UGGT2: variants seen among roughly 807,000 people sequenced by gnomAD.
UGGT2 encodes the protein UDP-glucose:glycoprotein glucosyltransferase 2.
UGGT2 carries 180 observed loss-of-function variants against 192.1 expected under a neutral mutation model. That is an observed-to-expected ratio of 0.94 (90% confidence interval 0.83 to 1.06). The LOEUF (loss-of-function observed/expected upper bound fraction) is 1.06. Among genes scored for constraint, UGGT2 ranks in the 50% least tolerant of loss-of-function variants. UGGT2 has a pLI of 0.00. For synonymous variants in UGGT2, 580 were observed against 591.0 expected, an observed-to-expected ratio of 0.98 and a Z score of 0.27; for missense variants, 1,849 against 1,795.7, an observed-to-expected ratio of 1.03 and a Z score of -0.54.
intron 36 of UGGT2, among the ~76,000 whole-genome samples, chr13:95,848,602 G>C (rs1194672938): frequency 1.3e-5 from 2 of 152,072 alleles, no homozygotes; most frequent in African/African-American, 4.8e-5. Flanking sequence ...TATTTATGTG[G>C]ATTTATTTCT....
At chr13:95,856,368 A>G (rs571805945) in intron 33 of UGGT2, 28 bp from the exon 34 acceptor site, 14 of 1,587,604 alleles carry the variant, frequency 8.8e-6, no homozygotes, top group African/African-American at 4.1e-5. Flanking sequence ...AAATCAAACA[A>G]TATGTTCAAG....
chr13:95,940,393 C>T (rs2140532345), intron 15 of UGGT2, among the ~76,000 whole-genome samples: 1 of 149,854 alleles, frequency 6.7e-6, no homozygotes, highest in South Asian at 2.1e-4. Context: ...ATAATATATT[C>T]TAATATGACA....
chr13:95,876,068 T>TA (rs5805947), intron 29 of UGGT2, among the ~76,000 whole-genome samples: 55,297 of 151,888 alleles, frequency 0.36, 10,495 homozygotes, highest in Non-Finnish European at 0.42. Context: ...AAATAATTGT[T>TA]AAAAAAATAA....
intron 31 of UGGT2, among the ~76,000 whole-genome samples, chr13:95,862,579 G>A (rs1890259172): frequency 6.6e-6 from 1 of 152,114 alleles, no homozygotes; most frequent in South Asian, 2.1e-4. Context: ...TATGACTCAT[G>A]CTGGGTTATC....
intron 12 of UGGT2, among the ~76,000 whole-genome samples, chr13:95,969,051 T>C (rs1338378897): frequency 6.6e-6 from 1 of 152,150 alleles, no homozygotes; most frequent in Non-Finnish European, 1.5e-5. Context: ...TCTAAAGAGT[T>C]TATACAATCT....
At chr13:95,890,511 C>A (rs975244679) in intron 25 of UGGT2, among the ~76,000 whole-genome samples, 1 of 152,152 alleles carries the variant, frequency 6.6e-6, no homozygotes, top group Non-Finnish European at 1.5e-5. Context: ...CCTATTGGAT[C>A]AGGGTCTCAC....
At chr13:95,861,097 A>G (rs1008058359) in intron 31 of UGGT2, among the ~76,000 whole-genome samples, 2 of 152,072 alleles carry the variant, frequency 1.3e-5, no homozygotes, top group African/African-American at 4.8e-5. Flanking sequence ...GAATATAACT[A>G]TATTGTCTTT....
intron 22 of UGGT2, among the ~76,000 whole-genome samples, chr13:95,898,917 T>C (rs1347178168): frequency 6.6e-6 from 1 of 152,166 alleles, no homozygotes; most frequent in African/African-American, 2.4e-5. Context: ...GGTATTTTGT[T>C]ACAGCAGCAC....
intron 2 of UGGT2, among the ~76,000 whole-genome samples, chr13:96,029,631 T>C (rs1014058703): frequency 1.6e-4 from 24 of 152,308 alleles, no homozygotes; most frequent in African/African-American, 2.6e-4. Flanking sequence ...CTGAAAACAC[T>C]TGAAATACCT....
intron 6 of UGGT2, among the ~76,000 whole-genome samples, chr13:95,997,413 T>C (rs1190084351): frequency 6.6e-6 from 1 of 152,078 alleles, no homozygotes; most frequent in Non-Finnish European, 1.5e-5. Flanking sequence ...TTTGGGAGGC[T>C]GAGGTGGGTG....
rs142970103 is a variant in UGGT2 at position 96,045,255 on chromosome 13, C to T, written c.158+7900G>A. 2.0e-4 allele frequency among the ~76,000 whole-genome samples: 31 copies of T among 152,066 alleles called. No homozygotes were observed. In the East Asian group the frequency reaches 3.3e-3, roughly 16 times the overall value. On this transcript the variant is annotated intron_variant, in intron 1 of 38. Transcript: ENST00000376747. Reference sequence around the variant, plus strand: ...AATATTACATGATCATCTCAATAGACGCAGAAAAAGCATTTGACAAAATCA... The same window carrying T: ...AATATTACATGATCATCTCAATAGATGCAGAAAAAGCATTTGACAAAATCA...
At chr13:95,974,601 T>G (rs1399947266) in intron 10 of UGGT2, among the ~76,000 whole-genome samples, 2 of 152,162 alleles carry the variant, frequency 1.3e-5, no homozygotes, top group African/African-American at 4.8e-5. Context: ...AGATAAGTAA[T>G]TACAAATTCT....
intron 5 of UGGT2, among the ~76,000 whole-genome samples, chr13:96,002,905 G>A (rs1322462846): frequency 6.6e-6 from 1 of 152,212 alleles, no homozygotes; most frequent in Non-Finnish European, 1.5e-5. Context: ...GTAAAGCCAA[G>A]CTCTGTTCCC....
At chr13:95,828,489 A>G (rs1456424703) in intron 38 of UGGT2, among the ~76,000 whole-genome samples, 1 of 152,228 alleles carries the variant, frequency 6.6e-6, no homozygotes, top group Non-Finnish European at 1.5e-5. Context: ...AGGGGATATC[A>G]CCACTGATCC....
chr13:95,807,574 T>C (rs1212081734), intron 38 of UGGT2, among the ~76,000 whole-genome samples: 2 of 152,190 alleles, frequency 1.3e-5, no homozygotes, highest in African/African-American at 4.8e-5. Context: ...GCACTGCTTC[T>C]ATGTCTTCTT....
chr13:96,053,234 C>A lies in UGGT2; in HGVS notation c.79G>T (p.Gly27Trp). Residue 27 changes from glycine (G) to tryptophan (W), a missense_variant, in exon 1 of 39, where the codon GGG becomes TGG. Physicochemically the swap from Gly to Trp is radical, Grantham distance 184 (BLOSUM62 -2). Coordinates refer to ENST00000376747, the MANE Select transcript of UGGT2 (RefSeq NM_020121.4). ...ACCGACTTGGACGCGGCGACCGTCC[C>A]GGAGCCGAGCTGCGAAAGCCACAGC... ...TALWLSQLGS[G>W]TVAASKSVTA... is the part of the protein sequence containing the mutation. 6.5e-7 allele frequency: 1 copy of A among 1,547,738 alleles called. No individual in the cohort carries two copies. The highest frequency in any genetic ancestry group is 2.4e-5 in the East Asian group (1 of 41,136).
At chr13:96,030,748 G>C (rs1031362591) in intron 2 of UGGT2, among the ~76,000 whole-genome samples, 1 of 152,088 alleles carries the variant, frequency 6.6e-6, no homozygotes, top group African/African-American at 2.4e-5. Context: ...ATCTATTCTA[G>C]TCTCTGCAGA....
Position 95,925,713 on chromosome 13 carries a change from C to A in UGGT2, c.2262G>T (p.Gly754=). The A allele has an allele frequency of 2.5e-6, 4 of 1,579,084 alleles. No homozygotes were observed. The highest frequency in any genetic ancestry group is 3.4e-6 in the Non-Finnish European group (4 of 1,159,552). The stretch of plus-strand genomic sequence containing the variant: ...TTAATGCATTAAAAAGAAGTTTTCT[C>A]CCAGAAGGCTTATCAAAATCTGCAA... The part of the protein sequence containing the change: ...WIIADFDKPS[G]RKLLFNALKH... Residue 754 remains glycine (G), a synonymous_variant, in exon 20 of 39, where the codon GGG becomes GGT. Transcript: ENST00000376747.
At chr13:95,892,571 C>G (rs1375476010) in intron 24 of UGGT2, among the ~76,000 whole-genome samples, 1 of 152,094 alleles carries the variant, frequency 6.6e-6, no homozygotes, top group Admixed American at 6.5e-5. Context: ...ATATATTGAA[C>G]ACATTTCAAA....
Sources: gnomAD v4.1 joint callset for allele counts (sites outside exome capture counted in the v4.1 genomes callset) on GRCh38, gnomAD v4.1.1 for gene constraint, MANE v1.5 for transcripts, NCBI Gene and HGNC (gene_info 2026-07-23, HGNC 2026-07-21) for gene names.